JMJD1C: variants seen among roughly 807,000 people sequenced by gnomAD.
JMJD1C encodes jumonji domain containing 1C, also known as jumonji domain-containing protein 1C.
In JMJD1C, 31 loss-of-function variants were observed where a neutral mutation model predicts 245.3. That is an observed-to-expected ratio of 0.13 (90% confidence interval 0.09 to 0.17). JMJD1C has a LOEUF of 0.17. JMJD1C is among the 10% of genes least tolerant of loss of function. The pLI is 1.00. For missense variants in JMJD1C, 2,691 were observed against 3,000.2 expected, an observed-to-expected ratio of 0.90 and a Z score of 2.41; for synonymous variants, 1,057 against 1,017.4, an observed-to-expected ratio of 1.04 and a Z score of -0.74.
At chr10:63,503,877 T>C (rs1346760068) in intron 1 of JMJD1C, among the ~76,000 whole-genome samples, 1 of 152,210 alleles carries the variant, frequency 6.6e-6, no homozygotes, top group Non-Finnish European at 1.5e-5. Context: ...GTCTCCATCC[T>C]AGCCTCCTCT....
chr10:63,316,343 T>C (rs1299723410), intron 2 of JMJD1C, among the ~76,000 whole-genome samples: 2 of 152,272 alleles, frequency 1.3e-5, no homozygotes, highest in Non-Finnish European at 2.9e-5. Flanking sequence ...TGGCATTTTA[T>C]ACTTGTCACT....
chr10:63,338,698 G>C (rs956216319), intron 2 of JMJD1C, among the ~76,000 whole-genome samples: 1 of 106,900 alleles, frequency 9.4e-6, no homozygotes, highest in South Asian at 3.2e-4. Flanking sequence ...ACCCAGACTT[G>C]AGTGCAATGG....
chr10:63,244,263 A>G (rs904823212), intron 3 of JMJD1C, among the ~76,000 whole-genome samples: 7 of 152,152 alleles, frequency 4.6e-5, no homozygotes, highest in East Asian at 1.9e-4. Flanking sequence ...TCGCACTACC[A>G]GGATATTCTC....
intron 2 of JMJD1C, among the ~76,000 whole-genome samples, chr10:63,361,228 G>C (rs1348481353): frequency 6.6e-6 from 1 of 152,168 alleles, no homozygotes; most frequent in East Asian, 1.9e-4. Context: ...TTCGAGACCA[G>C]CCTGGCCAAC....
intron 3 of JMJD1C, among the ~76,000 whole-genome samples, chr10:63,246,791 GA>G (rs1245268993): frequency 6.6e-6 from 1 of 151,854 alleles, no homozygotes; most frequent in Non-Finnish European, 1.5e-5. Context: ...AGTAGCAAGG[GA>G]AACCTCTGAA....
At chr10:63,388,848 T>A (rs1212778461) in intron 1 of JMJD1C, among the ~76,000 whole-genome samples, 3 of 152,012 alleles carry the variant, frequency 2.0e-5, no homozygotes, top group African/African-American at 2.4e-5. Flanking sequence ...CAAAAGACAT[T>A]CCATGCAAAT....
intron 2 of JMJD1C, among the ~76,000 whole-genome samples, chr10:63,327,884 G>C (rs1273073477): frequency 1.3e-5 from 2 of 152,028 alleles, no homozygotes; most frequent in East Asian, 2.0e-4. Flanking sequence ...TGGTCAGGCT[G>C]GTCTTGAACT....
chr10:63,392,655 T>C (rs1231111901), intron 1 of JMJD1C, among the ~76,000 whole-genome samples: 1 of 151,256 alleles, frequency 6.6e-6, no homozygotes, highest in African/African-American at 2.4e-5. Context: ...TGAAACCCCA[T>C]CTCTACTAAA....
At chr10:63,179,828 C>T (rs956984258) in intron 22 of JMJD1C, among the ~76,000 whole-genome samples, 1 of 151,084 alleles carries the variant, frequency 6.6e-6, no homozygotes, top group Non-Finnish European at 1.5e-5. Flanking sequence ...ATGGATGGAA[C>T]TAGAAGCCAT....
chr10:63,284,608 T>C (rs1857761111), intron 2 of JMJD1C, among the ~76,000 whole-genome samples: 1 of 152,140 alleles, frequency 6.6e-6, no homozygotes, highest in Non-Finnish European at 1.5e-5. Flanking sequence ...AGAGTTAAGT[T>C]CCTATGGCAT....
chr10:63,218,006 A>G (rs1057201500), intron 4 of JMJD1C, among the ~76,000 whole-genome samples: 5 of 152,112 alleles, frequency 3.3e-5, no homozygotes, highest in Non-Finnish European at 7.4e-5. Flanking sequence ...ACTCTACAGA[A>G]GAGGATACTG....
At chr10:63,476,787 A>G (rs994390762) in intron 1 of JMJD1C, among the ~76,000 whole-genome samples, 1 of 151,996 alleles carries the variant, frequency 6.6e-6, no homozygotes, top group African/African-American at 2.4e-5. Context: ...TTAAAAGACC[A>G]GGCATGGTGG....
At chr10:63,234,608 G>A (rs142568994) in intron 3 of JMJD1C, among the ~76,000 whole-genome samples, 233 of 143,252 alleles carry the variant, frequency 1.6e-3, no homozygotes, top group African/African-American at 5.7e-3. Context: ...TAAAAATATC[G>A]TTAAAGGCCT....
At chr10:63,360,713 AATAAAG>A (rs1393124375) in intron 2 of JMJD1C, among the ~76,000 whole-genome samples, 11 of 152,208 alleles carry the variant, frequency 7.2e-5, no homozygotes, top group Non-Finnish European at 1.0e-4. Flanking sequence ...AATTACTGTT[AATAAAG>A]ATAAATATTA....
In JMJD1C at chr10:63,299,619, C is replaced by T. The variant is rs185752381; in HGVS notation, c.334-34855G>A. Among the ~76,000 whole-genome samples, 23 of 152,184 alleles carry T rather than the reference C, an allele frequency of 1.5e-4. No homozygotes were observed. In the East Asian group the frequency reaches 3.1e-3, roughly 20 times the overall value. On this transcript the variant is annotated intron_variant, in intron 2 of 25. Transcript: ENST00000399262. Reference sequence around the variant, plus strand: ...CAAAACAAACATTTCAAATGCCCTACAAATAATGTCAACTTTGATACTGCT... The same window carrying T: ...CAAAACAAACATTTCAAATGCCCTATAAATAATGTCAACTTTGATACTGCT...
intron 1 of JMJD1C, among the ~76,000 whole-genome samples, chr10:63,408,682 G>A (rs146483211): frequency 1.4e-4 from 21 of 151,468 alleles, no homozygotes; most frequent in Non-Finnish European, 2.4e-4. Flanking sequence ...TCAGATGAAC[G>A]GGCCATCAAG....
intron 2 of JMJD1C, among the ~76,000 whole-genome samples, chr10:63,282,721 G>A (rs529967942): frequency 1.7e-4 from 26 of 152,204 alleles, no homozygotes; most frequent in Admixed American, 1.4e-3. Flanking sequence ...TAAAACTCTA[G>A]GTTTTCTTTT....
chr10:63,290,975 A>G (rs1160356709), intron 2 of JMJD1C, among the ~76,000 whole-genome samples: 1 of 152,172 alleles, frequency 6.6e-6, no homozygotes, highest in Non-Finnish European at 1.5e-5. Context: ...AGTAAGAAAA[A>G]TCTGATTGCA....
At chr10:63,465,365 G>A in intron 1 of JMJD1C, 130 bp downstream of exon 1, 1 of 962,692 alleles carries the variant, frequency 1.0e-6, no homozygotes, top group Non-Finnish European at 1.5e-6. Context: ...AACGCGCCAA[G>A]GGTTCAGCAG....
Sources: allele counts gnomAD v4.1 joint callset (sites outside exome capture counted in the v4.1 genomes callset), GRCh38; gene constraint gnomAD v4.1.1; transcripts MANE v1.5; gene names NCBI Gene and HGNC (gene_info 2026-07-23, HGNC 2026-07-21).